RBMS3: variants seen among roughly 807,000 people sequenced by gnomAD.
RBMS3 encodes the protein RNA-binding motif, single-stranded-interacting protein 3.
RBMS3 carries 27 observed loss-of-function variants against 66.8 expected under a neutral mutation model. The ratio of observed to expected loss-of-function variants is 0.40; its 90% CI spans 0.30 to 0.56. The LOEUF is 0.56. RBMS3 is among the 20% of genes least tolerant of loss of function. The probability of loss-of-function intolerance (pLI) is 0.40; values close to 1 mark genes in which losing one functional copy is unlikely to be tolerated. For missense variants in RBMS3, 513 were observed against 549.5 expected (o/e 0.93, Z 0.66); for synonymous variants, 188 against 183.0 (o/e 1.03, Z -0.22).
chr3:29,716,798 G>A (rs1422575792), intron 4 of RBMS3, among the ~76,000 whole-genome samples: 3 of 151,968 alleles, frequency 2.0e-5, no homozygotes, highest in Non-Finnish European at 4.4e-5. Flanking sequence ...ATAGATTCTG[G>A]GTTTGTGGAA....
chr3:29,816,142 C>T (rs2057888859), intron 6 of RBMS3, among the ~76,000 whole-genome samples: 1 of 152,076 alleles, frequency 6.6e-6, no homozygotes, highest in African/African-American at 2.4e-5. Context: ...ACCTTTCTGA[C>T]ATATGGTTTG....
chr3:29,645,055 G>A (rs2049864972), intron 4 of RBMS3, among the ~76,000 whole-genome samples: 1 of 152,122 alleles, frequency 6.6e-6, no homozygotes, highest in Admixed American at 6.5e-5. Context: ...AATGATTCCA[G>A]CATCTATTAG....
intron 6 of RBMS3, among the ~76,000 whole-genome samples, chr3:29,785,737 T>C (rs938203776): frequency 6.6e-6 from 1 of 152,054 alleles, no homozygotes; most frequent in Non-Finnish European, 1.5e-5. Flanking sequence ...GCCAACATTA[T>C]ACTGAACAGA....
chr3:29,309,389 A>G (rs561838509), intron 1 of RBMS3, among the ~76,000 whole-genome samples: 2 of 151,916 alleles, frequency 1.3e-5, no homozygotes, highest in East Asian at 3.9e-4. Context: ...ATTTAATAAT[A>G]TTAAGAAAAC....
intron 4 of RBMS3, among the ~76,000 whole-genome samples, chr3:29,623,171 TG>T (rs57405166): frequency 0.12 from 13,434 of 107,520 alleles, 802 homozygotes; most frequent in East Asian, 0.33. Context: ...TAAATTAACT[TG>T]GGGGGGGGGG....
intron 4 of RBMS3, among the ~76,000 whole-genome samples, chr3:29,623,485 G>A (rs1163695512): frequency 1.3e-5 from 2 of 151,478 alleles, no homozygotes; most frequent in East Asian, 2.0e-4. Flanking sequence ...CCAGCTACTC[G>A]GGAGGTTGAG....
intron 6 of RBMS3, among the ~76,000 whole-genome samples, chr3:29,783,786 A>C (rs1257585886): frequency 6.6e-6 from 1 of 152,102 alleles, no homozygotes; most frequent in Non-Finnish European, 1.5e-5. Context: ...CCAAGTTTCT[A>C]CTGTCTTCAG....
intron 12 of RBMS3, among the ~76,000 whole-genome samples, chr3:29,945,530 C>T (rs1695250918): frequency 6.6e-6 from 1 of 151,578 alleles, no homozygotes. Flanking sequence ...CTTAACATGC[C>T]AATTTCATTT....
chr3:29,692,244 A>T (rs2052058308), intron 4 of RBMS3, among the ~76,000 whole-genome samples: 1 of 151,956 alleles, frequency 6.6e-6, no homozygotes, highest in African/African-American at 2.4e-5. Flanking sequence ...GGCCTCCCAA[A>T]GTGCTAGGAT....
chr3:29,687,181 T>A (rs1480208759), intron 4 of RBMS3, among the ~76,000 whole-genome samples: 1 of 152,216 alleles, frequency 6.6e-6, no homozygotes, highest in Non-Finnish European at 1.5e-5. Context: ...CTAAGTTGTG[T>A]CAACTGAGGA....
intron 6 of RBMS3, among the ~76,000 whole-genome samples, chr3:29,845,485 A>G (rs748498782): frequency 2.6e-5 from 4 of 152,148 alleles, no homozygotes; most frequent in Non-Finnish European, 5.9e-5. Context: ...ATGCCTACAT[A>G]TGTGTGTTTT....
At chr3:29,650,607 T>C (rs569065103) in intron 4 of RBMS3, among the ~76,000 whole-genome samples, 2 of 152,272 alleles carry the variant, frequency 1.3e-5, no homozygotes, top group Admixed American at 1.3e-4. Flanking sequence ...TCTTTGCTTT[T>C]TCTTTTTGAA....
At position 29,989,307 on chromosome 3, in the gene RBMS3, A is replaced by C. The variant is rs374234464; in HGVS notation, c.1179+1084A>C. On this transcript the variant is annotated intron_variant, in intron 13 of 14. Coordinates refer to ENST00000383767, the MANE Select transcript of RBMS3 (RefSeq NM_001003793.3). ...ATAGAAATGGAGAGGGCATAGAGCTATGCAGATGGTGGTAAAACACTTAGG... is the reference window on the plus strand; with the variant it reads ...ATAGAAATGGAGAGGGCATAGAGCTCTGCAGATGGTGGTAAAACACTTAGG... Among the ~76,000 whole-genome samples, 23 of 152,274 alleles carry C rather than the reference A, an allele frequency of 1.5e-4. No homozygotes were observed. In the East Asian group the frequency reaches 3.9e-3, roughly 26 times the overall value.
At chr3:29,468,553 T>C (rs541851749) in intron 2 of RBMS3, among the ~76,000 whole-genome samples, 4 of 152,308 alleles carry the variant, frequency 2.6e-5, no homozygotes, top group African/African-American at 9.6e-5. Flanking sequence ...TATGTAATCT[T>C]TGAGAAATAA....
intron 6 of RBMS3, among the ~76,000 whole-genome samples, chr3:29,867,687 C>A (rs556020096): frequency 6.6e-6 from 1 of 151,096 alleles, no homozygotes; most frequent in East Asian, 2.0e-4. Context: ...ATCCCATTGG[C>A]CAAAGCAATC....
At chr3:29,718,586 C>T (rs2053505645) in intron 4 of RBMS3, among the ~76,000 whole-genome samples, 1 of 151,968 alleles carries the variant, frequency 6.6e-6, no homozygotes, top group African/African-American at 2.4e-5. Context: ...TTCCATACTC[C>T]ATTGGTTGGA....
chr3:29,442,814 C>G (rs2041676295), intron 2 of RBMS3, among the ~76,000 whole-genome samples: 1 of 152,086 alleles, frequency 6.6e-6, no homozygotes, highest in African/African-American at 2.4e-5. Flanking sequence ...CTTTCTTCTC[C>G]TATGGATGGT....
intron 10 of RBMS3, among the ~76,000 whole-genome samples, chr3:29,924,094 T>C (rs958151694): frequency 2.0e-5 from 3 of 152,210 alleles, no homozygotes; most frequent in African/African-American, 7.2e-5. Flanking sequence ...TACAATTCTA[T>C]ATATACCCTG....
At chr3:29,413,482 A>G (rs1358912827) in intron 1 of RBMS3, among the ~76,000 whole-genome samples, 1 of 152,212 alleles carries the variant, frequency 6.6e-6, no homozygotes. Flanking sequence ...TAGGAATACC[A>G]GATAATGATG....
Sources: allele counts gnomAD v4.1 joint callset (sites outside exome capture counted in the v4.1 genomes callset), GRCh38; gene constraint gnomAD v4.1.1; transcripts MANE v1.5; gene names NCBI Gene and HGNC (gene_info 2026-07-23, HGNC 2026-07-21).